ARHGAP18: variants seen among roughly 807,000 people sequenced by gnomAD.
ARHGAP18 encodes the protein Rho GTPase activating protein 18.
A neutral mutation model predicts 86.2 loss-of-function variants in ARHGAP18; 67 were observed. The observed-to-expected ratio is 0.78, with a 90% CI of 0.64 to 0.95. The LOEUF (loss-of-function observed/expected upper bound fraction) is 0.95. Ranked by LOEUF, ARHGAP18 falls within the 40% of genes least tolerant of loss-of-function variation. ARHGAP18 has a pLI of 0.00. For missense variants in ARHGAP18, 691 were observed against 780.4 expected (o/e 0.89, Z 1.37); for synonymous variants, 283 against 280.4 (o/e 1.01, Z -0.09).
At chr6:129,685,954 AC>A (rs1222382692) in intron 1 of ARHGAP18, among the ~76,000 whole-genome samples, 4 of 152,270 alleles carry the variant, frequency 2.6e-5, no homozygotes, top group African/African-American at 9.6e-5. Context: ...AAGCAAGTTG[AC>A]CCCACTGTAA....
chr6:129,626,174 A>G (rs918555812), intron 5 of ARHGAP18, among the ~76,000 whole-genome samples: 2 of 149,490 alleles, frequency 1.3e-5, no homozygotes, highest in African/African-American at 4.9e-5. Context: ...ATAAATTATG[A>G]TACATCTGTA....
At chr6:129,634,003 G>T (rs1409663080) in intron 4 of ARHGAP18, 39 bp downstream of exon 4, 3 of 1,508,436 alleles carry the variant, frequency 2.0e-6, no homozygotes, top group East Asian at 2.3e-5. Context: ...TAATTAAAGG[G>T]CGGAAAAAAA....
At chr6:129,625,175 A>ATATATTATG (rs1562696532) in intron 5 of ARHGAP18, among the ~76,000 whole-genome samples, 17 of 71,094 alleles carry the variant, frequency 2.4e-4, no homozygotes, top group Non-Finnish European at 3.9e-4. Flanking sequence ...TATATATGAT[A>ATATATTATG]TATTATATAT....
rs148956917 is a variant in ARHGAP18, at chr6:129,611,600, C to G, written c.1055G>C (p.Arg352Pro). 5 of 1,613,292 alleles carry G rather than the reference C, an allele frequency of 3.1e-6. No homozygotes were observed. Among genetic ancestry groups the G allele is most frequent in the Non-Finnish European group, 4.2e-6 (5 of 1,179,616 alleles). ...TGTTTCCAAACCTCTCTCTTCAATT[C>G]GAGAAATCAGCTGTGCATAAACAGA... ...IPLIFQKLIS[R>P]IEERGLETEG... is the part of the protein sequence containing the mutation. Residue 352 changes from arginine to proline, a missense_variant, in exon 8 of 15, where the codon CGA becomes CCA. Physicochemically the swap from Arg to Pro is moderately radical, Grantham distance 103. Coordinates refer to ENST00000368149, the MANE Select transcript of ARHGAP18 (RefSeq NM_033515.3).
chr6:129,676,822 A>T (rs866832457), intron 1 of ARHGAP18, among the ~76,000 whole-genome samples: 1 of 151,874 alleles, frequency 6.6e-6, no homozygotes, highest in African/African-American at 2.4e-5. Flanking sequence ...AGTCCCTTAA[A>T]CACAAAAATC....
At chr6:129,653,551 C>A (rs979162628) in intron 1 of ARHGAP18, among the ~76,000 whole-genome samples, 6 of 152,118 alleles carry the variant, frequency 3.9e-5, no homozygotes, top group Non-Finnish European at 5.9e-5. Context: ...TTTAGCCAAG[C>A]TTAGAAACAA....
intron 1 of ARHGAP18, among the ~76,000 whole-genome samples, chr6:129,676,330 G>C (rs575061713): frequency 3.3e-5 from 5 of 152,342 alleles, no homozygotes; most frequent in Admixed American, 1.3e-4. Context: ...ATGAGTTGCA[G>C]AGGGGGGGCA....
chr6:129,646,724 C>T (rs1013508382), intron 1 of ARHGAP18, among the ~76,000 whole-genome samples: 13 of 152,154 alleles, frequency 8.5e-5, no homozygotes, highest in East Asian at 1.9e-4. Context: ...TCTGCTTCTG[C>T]GTTCAATCTT....
chr6:129,660,996 G>A (rs1463545461), intron 1 of ARHGAP18, among the ~76,000 whole-genome samples: 2 of 144,110 alleles, frequency 1.4e-5, no homozygotes, highest in Non-Finnish European at 3.0e-5. Flanking sequence ...AAGAGGAGGA[G>A]GAGAAAAAGA....
chr6:129,614,639 G>A (rs1789055062), intron 7 of ARHGAP18, among the ~76,000 whole-genome samples: 1 of 152,106 alleles, frequency 6.6e-6, no homozygotes, highest in Non-Finnish European at 1.5e-5. Context: ...CACAGAAACT[G>A]AAGCTCACTG....
In ARHGAP18 at chr6:129,577,430, C is replaced by T. The variant is rs1788201514; in HGVS notation, c.*1083G>A. 1 of 152,102 alleles carries T rather than the reference C, an allele frequency of 6.6e-6. No homozygotes were observed. The highest frequency in any genetic ancestry group is 6.5e-5 in the Admixed American group (1 of 15,270). 9.4% of individuals were successfully genotyped at this position (152,102 alleles called of 1,614,324 possible). On this transcript the variant is annotated 3_prime_UTR_variant, in exon 15 of 15. Transcript: ENST00000368149. ...ATTTCTTATTTACAGTACAGAGGCT[C>T]ATCTCTTGTCACAATATGGTTTGTG...
chr6:129,643,658 G>T (rs1305958501), intron 1 of ARHGAP18, among the ~76,000 whole-genome samples: 7 of 152,276 alleles, frequency 4.6e-5, no homozygotes, highest in Admixed American at 2.0e-4. Flanking sequence ...CTAATTTTCA[G>T]ATTGCTTCTC....
At chr6:129,607,547 T>C (rs1052870415) in intron 9 of ARHGAP18, among the ~76,000 whole-genome samples, 1 of 152,176 alleles carries the variant, frequency 6.6e-6, no homozygotes, top group African/African-American at 2.4e-5. Flanking sequence ...TGTTGCTTTT[T>C]AACACTTGGC....
At chr6:129,595,330 A>G (rs1294382754) in intron 12 of ARHGAP18, among the ~76,000 whole-genome samples, 1 of 152,158 alleles carries the variant, frequency 6.6e-6, no homozygotes, top group Non-Finnish European at 1.5e-5. Flanking sequence ...ATTTCGCTGT[A>G]TAGATATGCC....
chr6:129,695,385 A>T (rs1483999676), intron 1 of ARHGAP18, among the ~76,000 whole-genome samples: 3 of 152,220 alleles, frequency 2.0e-5, no homozygotes, highest in African/African-American at 7.2e-5. Context: ...ACAATTTTGA[A>T]ACAGGGATCT....
In ARHGAP18 at chr6:129,616,309, A is replaced by AG; in HGVS notation, c.953-7dup. On this transcript the variant is annotated splice_polypyrimidine_tract_variant and splice_region_variant and intron_variant, in intron 6 of 14. Transcript: ENST00000368149. ...AACGCAAAAAAGACCAGAATCTGCAAGAAAAAAAATGAAATTTCCTCACTT... is the reference window on the plus strand; with the variant it reads ...AACGCAAAAAAGACCAGAATCTGCAAGGAAAAAAAATGAAATTTCCTCACTT... 6.2e-7 allele frequency: 1 copy of AG among 1,604,668 alleles called. No individual in the cohort carries two copies. Among genetic ancestry groups the AG allele is most frequent in the Non-Finnish European group, 8.5e-7 (1 of 1,175,882 alleles).
At chr6:129,603,398 T>C (rs1562685423) in intron 10 of ARHGAP18, among the ~76,000 whole-genome samples, 1 of 152,080 alleles carries the variant, frequency 6.6e-6, no homozygotes, top group East Asian at 1.9e-4. Flanking sequence ...ATCTATCACA[T>C]TTTCTTTATA....
intron 1 of ARHGAP18, among the ~76,000 whole-genome samples, chr6:129,659,315 T>C (rs189478037): frequency 6.6e-6 from 1 of 152,354 alleles, no homozygotes; most frequent in African/African-American, 2.4e-5. Context: ...ACTGCTAACA[T>C]GTACAAGTTA....
intron 4 of ARHGAP18, among the ~76,000 whole-genome samples, chr6:129,630,397 C>G (rs1180309243): frequency 6.6e-6 from 1 of 151,996 alleles, no homozygotes; most frequent in Non-Finnish European, 1.5e-5. Context: ...AGCCAAGAAC[C>G]AAGATTACTG....
Sources: gnomAD v4.1 joint callset for allele counts (sites outside exome capture counted in the v4.1 genomes callset) on GRCh38, gnomAD v4.1.1 for gene constraint, MANE v1.5 for transcripts, NCBI Gene and HGNC (gene_info 2026-07-23, HGNC 2026-07-21) for gene names.